Variants in IGSF11 observed in about 807,000 individuals in gnomAD.
IGSF11 encodes the protein CXADR like 1.
In IGSF11, 22 loss-of-function variants were observed where a neutral mutation model predicts 41.0. That is an observed-to-expected ratio of 0.54 (90% CI 0.38 to 0.77). The LOEUF (loss-of-function observed/expected upper bound fraction) is 0.77, where lower values mean the gene tolerates loss of function less well. Ranked by LOEUF, IGSF11 falls within the 30% of genes least tolerant of loss-of-function variation. IGSF11 has a pLI of 0.00. For missense variants in IGSF11, 444 were observed against 530.8 expected, an observed-to-expected ratio of 0.84 and a Z score of 1.61; for synonymous variants, 219 against 201.3, an observed-to-expected ratio of 1.09 and a Z score of -0.74.
intron 6 of IGSF11, among the ~76,000 whole-genome samples, chr3:118,904,386 T>C (rs1318545654): frequency 1.3e-5 from 2 of 152,182 alleles, no homozygotes; most frequent in Non-Finnish European, 2.9e-5. Flanking sequence ...CTGCCTACCC[T>C]GGAGACACGG....
At chr3:118,950,272 C>T (rs184222480) in intron 1 of IGSF11, among the ~76,000 whole-genome samples, 3 of 152,104 alleles carry the variant, frequency 2.0e-5, no homozygotes, top group Non-Finnish European at 2.9e-5. Context: ...GGATCTGATC[C>T]GTTATATCAC....
At chr3:118,918,587 C>T (rs796352797) in intron 4 of IGSF11, among the ~76,000 whole-genome samples, 158 of 127,402 alleles carry the variant, frequency 1.2e-3, no homozygotes, top group African/African-American at 2.1e-3. Flanking sequence ...AACTACAAAC[C>T]ACTGCTCAAT....
chr3:118,926,020 A>G, intron 4 of IGSF11, 81 bp downstream of exon 4: 1 of 1,099,614 alleles, frequency 9.1e-7, no homozygotes, highest in South Asian at 2.7e-5. Flanking sequence ...ATTTTTCAAA[A>G]CCTATTAAAG....
chr3:119,083,537 A>AAC (rs746518488), intron 1 of IGSF11, among the ~76,000 whole-genome samples: 2 of 40,280 alleles, frequency 5.0e-5, no homozygotes, highest in Non-Finnish European at 1.1e-4. Context: ...CACACACACA[A>AAC]ACACACACAC....
At chr3:118,924,561 T>C (rs1942121027) in intron 4 of IGSF11, among the ~76,000 whole-genome samples, 1 of 152,130 alleles carries the variant, frequency 6.6e-6, no homozygotes, top group Non-Finnish European at 1.5e-5. Context: ...AAAGTTTTCA[T>C]CCGTCTCATT....
chr3:118,923,134 C>G (rs1366076409), intron 4 of IGSF11, among the ~76,000 whole-genome samples: 5 of 152,142 alleles, frequency 3.3e-5, no homozygotes, highest in African/African-American at 4.8e-5. Context: ...GGAAGCTTTT[C>G]TGAGCCTTGG....
intron 1 of IGSF11, among the ~76,000 whole-genome samples, chr3:119,048,000 G>T (rs1430019724): frequency 6.6e-5 from 10 of 152,068 alleles, no homozygotes; most frequent in Non-Finnish European, 1.3e-4. Flanking sequence ...TCAAAGCAGT[G>T]TGTAGAGGGA....
At chr3:119,039,508 C>A (rs9682347), upstream of IGSF11, among the ~76,000 whole-genome samples, 6 of 152,248 alleles carry the variant, frequency 3.9e-5, no homozygotes, top group South Asian at 4.1e-4. Flanking sequence ...CCATCAGCAA[C>A]GTTAATTCCC....
At chr3:118,999,731 TAATAC>T (rs1936623475) in intron 1 of IGSF11, among the ~76,000 whole-genome samples, 1 of 152,192 alleles carries the variant, frequency 6.6e-6, no homozygotes, top group Admixed American at 6.5e-5. Context: ...CACTACTTAA[TAATAC>T]AATATCCATT....
Position 118,902,969 on chromosome 3 carries a change from G to C in IGSF11, c.855-8C>G, listed in dbSNP as rs140117558. 3 of 1,610,216 alleles carry C rather than the reference G, an allele frequency of 1.9e-6. No homozygotes were observed. The highest frequency in any genetic ancestry group is 2.5e-6 in the Non-Finnish European group (3 of 1,176,902). ...GGTGGAAGATCATCCTCTCTGAAAG[G>C]AACAAAATAAAGTCGTTGTTAGGAT... On this transcript the variant is annotated splice_region_variant and splice_polypyrimidine_tract_variant and intron_variant, in intron 6 of 6. Transcript: ENST00000393775.
chr3:119,055,892 A>T (rs1339473181), intron 1 of IGSF11, among the ~76,000 whole-genome samples: 3 of 152,230 alleles, frequency 2.0e-5, no homozygotes, highest in Non-Finnish European at 4.4e-5. Flanking sequence ...AACGAAATGA[A>T]GTCAGAAATA....
intron 1 of IGSF11, among the ~76,000 whole-genome samples, chr3:119,127,972 G>A (rs1393530755): frequency 2.0e-5 from 3 of 152,136 alleles, no homozygotes; most frequent in Non-Finnish European, 4.4e-5. Flanking sequence ...AAAAACTAAT[G>A]ACACATGAAG....
intron 1 of IGSF11, among the ~76,000 whole-genome samples, chr3:119,001,467 CTTTT>C (rs113963134): frequency 8.4e-5 from 11 of 130,594 alleles, no homozygotes; most frequent in South Asian, 7.3e-4. Context: ...CCCAGGTTTT[CTTTT>C]TTTTTTTTTT....
chr3:119,041,595 A>G (rs1199255464), intron 1 of IGSF11, among the ~76,000 whole-genome samples: 1 of 152,196 alleles, frequency 6.6e-6, no homozygotes, highest in Non-Finnish European at 1.5e-5. Flanking sequence ...AAAAATAAAA[A>G]TAAAAAAGAA....
At chr3:119,063,981 T>A (rs527295577) in intron 1 of IGSF11, among the ~76,000 whole-genome samples, 1 of 152,246 alleles carries the variant, frequency 6.6e-6, no homozygotes, top group Admixed American at 6.5e-5. Context: ...CAAAAGATGG[T>A]CTCATGGAGT....
chr3:119,046,653 G>C (rs985385018), intron 1 of IGSF11, among the ~76,000 whole-genome samples: 16 of 151,846 alleles, frequency 1.1e-4, no homozygotes, highest in Non-Finnish European at 1.9e-4. Flanking sequence ...ACACCACAAA[G>C]ATACTCCTCG....
chr3:118,974,825 C>A (rs569965408), intron 1 of IGSF11, among the ~76,000 whole-genome samples: 20 of 152,084 alleles, frequency 1.3e-4, no homozygotes, highest in Non-Finnish European at 2.8e-4. Flanking sequence ...ATCACTATTA[C>A]TTTCTTCTTT....
chr3:119,104,308 C>A (rs2076985511), intron 1 of IGSF11, among the ~76,000 whole-genome samples: 1 of 152,182 alleles, frequency 6.6e-6, no homozygotes. Context: ...TATTACCCAG[C>A]CCCTTCACAC....
chr3:119,092,476 T>C (rs982783693), intron 1 of IGSF11, among the ~76,000 whole-genome samples: 2 of 152,024 alleles, frequency 1.3e-5, no homozygotes, highest in African/African-American at 4.8e-5. Context: ...ATTCCAGGCA[T>C]GTGGCACCAT....
Sources: gnomAD v4.1 joint callset for allele counts (sites outside exome capture counted in the v4.1 genomes callset) on GRCh38, gnomAD v4.1.1 for gene constraint, MANE v1.5 for transcripts, NCBI Gene and HGNC (gene_info 2026-07-23, HGNC 2026-07-21) for gene names.